The following CCR5AS variants were observed in gnomAD, a reference collection of about 807,000 sequenced individuals.
CCR5AS encodes the protein CCR5 antisense RNA.
chr3:46,389,915 G>T (rs1398896731), intron 2 of CCR5AS, among the ~76,000 whole-genome samples: 2 of 152,226 alleles, frequency 1.3e-5, no homozygotes, highest in South Asian at 2.1e-4. Flanking sequence ...ACCAAGATAG[G>T]TAATGCTAGG....
intron 2 of CCR5AS, among the ~76,000 whole-genome samples, chr3:46,376,820 G>T (rs1382257257): frequency 6.6e-6 from 1 of 152,192 alleles, no homozygotes; most frequent in African/African-American, 2.4e-5. Context: ...GAACATGCTG[G>T]TTTTCAGTCA....
At chr3:46,373,946 A>C (rs772239843) in intron 2 of CCR5AS, 4 of 1,565,418 alleles carry the variant, frequency 2.6e-6, no homozygotes, top group Admixed American at 3.6e-5. Flanking sequence ...AGCAGGAAAT[A>C]TCTGTGGGCT....
chr3:46,384,813 G>A (rs576152163), intron 2 of CCR5AS, among the ~76,000 whole-genome samples: 3 of 152,212 alleles, frequency 2.0e-5, no homozygotes, highest in African/African-American at 7.2e-5. Context: ...GCTGACTTGA[G>A]ATAGATGATA....
At chr3:46,373,830 GTCT>G (rs1701712262) in intron 2 of CCR5AS, 1 of 1,613,958 alleles carries the variant, frequency 6.2e-7, no homozygotes, top group South Asian at 1.1e-5. Flanking sequence ...CTACCTCTTA[GTCT>G]TCTTCCAAAA....
intron 1 of CCR5AS, among the ~76,000 whole-genome samples, chr3:46,398,655 C>T (rs1701981182): frequency 6.6e-6 from 1 of 152,178 alleles, no homozygotes; most frequent in Admixed American, 6.5e-5. Context: ...CTTCTACCCT[C>T]TGTAATGTAG....
At chr3:46,373,966 G>T (rs776859902) in intron 2 of CCR5AS, 3 of 1,547,584 alleles carry the variant, frequency 1.9e-6, no homozygotes, top group East Asian at 4.5e-5. Flanking sequence ...TTGTGACACG[G>T]ACTCAAGTGG....
chr3:46,392,419 G>A (rs761338838), intron 2 of CCR5AS, among the ~76,000 whole-genome samples: 2 of 152,224 alleles, frequency 1.3e-5, no homozygotes, highest in South Asian at 2.1e-4. Context: ...AGCGTGGAAG[G>A]TTGCCCATAG....
chr3:46,393,460 C>CAAAAAAAAAAA (rs35762544), intron 1 of CCR5AS, among the ~76,000 whole-genome samples: 6 of 103,856 alleles, frequency 5.8e-5, no homozygotes, highest in Non-Finnish European at 9.6e-5. Flanking sequence ...AACAGAGCCA[C>CAAAAAAAAAAA]AAAAAAAAAA....
chr3:46,380,920 T>A (rs1364505972), intron 2 of CCR5AS, among the ~76,000 whole-genome samples: 1 of 149,540 alleles, frequency 6.7e-6, no homozygotes, highest in East Asian at 2.0e-4. Context: ...CAAGGGCTGT[T>A]GTCTGAGCAA....
At chr3:46,389,496 C>A (rs949537380) in intron 2 of CCR5AS, among the ~76,000 whole-genome samples, 1 of 152,080 alleles carries the variant, frequency 6.6e-6, no homozygotes, top group Non-Finnish European at 1.5e-5. Flanking sequence ...AGCAGCCTGG[C>A]GAATTTCCTG....
At chr3:46,379,497 C>G (rs1047802931) in intron 2 of CCR5AS, among the ~76,000 whole-genome samples, 4 of 152,248 alleles carry the variant, frequency 2.6e-5, no homozygotes, top group African/African-American at 9.6e-5. Flanking sequence ...GCAGATTAGT[C>G]ACTCATTGCT....
intron 1 of CCR5AS, among the ~76,000 whole-genome samples, chr3:46,405,508 G>T (rs1203968328): frequency 6.6e-6 from 1 of 152,088 alleles, no homozygotes; most frequent in Non-Finnish European, 1.5e-5. Context: ...AAAGCTGCCC[G>T]CACCTACTCA....
rs186307024 is a variant in CCR5AS at position 46,406,314 on chromosome 3, G to A, written n.163+583C>T. Among the ~76,000 whole-genome samples the A allele has an allele frequency of 2.0e-5, 3 of 152,066 alleles. No individual in the cohort carries two copies. In the East Asian group the frequency reaches 5.8e-4, roughly 29 times the overall value. On this transcript the variant is annotated intron_variant and non_coding_transcript_variant, in intron 1 of 3. Coordinates refer to ENST00000451485, the Ensembl canonical transcript of CCR5AS. The stretch of plus-strand genomic sequence containing the variant: ...GCAAATAGGTCTGATCCCCAAATTA[G>A]GTTAGTCACAGCTGCTGAGTCGTTG...
intron 2 of CCR5AS, among the ~76,000 whole-genome samples, chr3:46,386,640 G>A (rs551701585): frequency 1.3e-4 from 20 of 152,230 alleles, no homozygotes; most frequent in Non-Finnish European, 2.8e-4. Context: ...GCAATGCAGA[G>A]CACTGGTCTT....
intron 1 of CCR5AS, among the ~76,000 whole-genome samples, chr3:46,393,293 C>T (rs553012531): frequency 5.3e-5 from 8 of 151,504 alleles, no homozygotes; most frequent in Admixed American, 2.0e-4. Flanking sequence ...AAGGCAGGAG[C>T]GGCCTATTTT....
chr3:46,398,207 C>G (rs947714980), intron 1 of CCR5AS, among the ~76,000 whole-genome samples: 2 of 4,322 alleles, frequency 4.6e-4, no homozygotes, highest in Non-Finnish European at 5.9e-4. Context: ...ACCCCAAAAC[C>G]CAGGCGCGGA....
chr3:46,404,910 G>A (rs1702032604), intron 1 of CCR5AS, among the ~76,000 whole-genome samples: 1 of 152,216 alleles, frequency 6.6e-6, no homozygotes, highest in Admixed American at 6.5e-5. Flanking sequence ...ACGTAGTGGG[G>A]AATGAGAGTA....
chr3:46,405,133 C>T (rs1243762367), intron 1 of CCR5AS, among the ~76,000 whole-genome samples: 1 of 152,226 alleles, frequency 6.6e-6, no homozygotes, highest in Non-Finnish European at 1.5e-5. Context: ...ACTCTTCCTT[C>T]CTTCCTATGT....
chr3:46,372,889 C>T (rs775290065), intron 2 of CCR5AS: 1 of 1,543,132 alleles, frequency 6.5e-7, no homozygotes, highest in Non-Finnish European at 8.8e-7. Flanking sequence ...TATTTATGCA[C>T]AGGGTGGAAC....
Sources: allele counts gnomAD v4.1 joint callset (sites outside exome capture counted in the v4.1 genomes callset), GRCh38; gene constraint gnomAD v4.1.1; transcripts MANE v1.5; gene names NCBI Gene and HGNC (gene_info 2026-07-23, HGNC 2026-07-21).